Variants in FCN2 observed in about 807,000 individuals in gnomAD.
FCN2 encodes the protein ficolin-2.
A neutral mutation model predicts 32.5 loss-of-function variants in FCN2; 31 were observed. The observed-to-expected ratio is 0.96, with a 90% CI of 0.72 to 1.29. The LOEUF (loss-of-function observed/expected upper bound fraction) is 1.29. FCN2 is among the 50% of genes most tolerant of loss of function. FCN2 has a pLI of 0.00. For missense variants in FCN2, 412 were observed against 406.5 expected (o/e 1.01, Z -0.12); for synonymous variants, 181 against 164.5 (o/e 1.10, Z -0.77).
rs749862910 is a variant in FCN2, at chr9:134,887,223, T to C, written c.750T>C (p.Asn250=). The C allele has an allele frequency of 6.2e-7, 1 of 1,613,856 alleles. No individual in the cohort carries two copies. Among genetic ancestry groups the C allele is most frequent in the Non-Finnish European group, 8.5e-7 (1 of 1,179,696 alleles). The change falls in exon 8 of 8, where the codon AAT becomes AAC. Residue 250 remains asparagine, a synonymous_variant. Coordinates refer to ENST00000291744, the MANE Select transcript of FCN2 (RefSeq NM_004108.3). ...CCTTCTCCACCAAAGACCAGGACAA[T>C]GATCTTAACACCGGAAATTGTGCTG... ...NQSFSTKDQD[N]DLNTGNCAVM...
At chr9:134,879,741 T>A (rs897242566), upstream of FCN2, among the ~76,000 whole-genome samples, 1 of 152,134 alleles carries the variant, frequency 6.6e-6, no homozygotes, top group Admixed American at 6.5e-5. Flanking sequence ...CCGATGGGAT[T>A]TTGTTTCTCG....
At position 134,881,051 on chromosome 9, in the gene FCN2, C is replaced by G; in HGVS notation, c.100+130C>G. The G allele has an allele frequency of 5.6e-6, 4 of 715,220 alleles. No individual in the cohort carries two copies. In the South Asian group the frequency reaches 6.1e-5, roughly 11 times the overall value. 44.3% of individuals were successfully genotyped at this position (715,220 alleles called of 1,614,324 possible). The stretch of plus-strand genomic sequence containing the variant: ...GGAGCATCGTCTAACGAGACAGCAG[C>G]TCTGCATGCCTCATCTTATGTGAAC... On this transcript the variant is annotated intron_variant, in intron 1 of 7. Transcript: ENST00000291744.
chr9:134,887,357 CG>C lies in FCN2; in HGVS notation c.888del (p.Gly298AspfsTer11), dbSNP rs994920438. The C allele has an allele frequency of 1.2e-6, 2 of 1,613,960 alleles. No homozygotes were observed. The highest frequency in any genetic ancestry group is 2.7e-5 in the African/African-American group (2 of 74,896). On this transcript the variant is annotated frameshift_variant, in exon 8 of 8. Transcript: ENST00000291744. LOFTEE classifies it high-confidence loss of function. ...TTTGCAAATGGCATCAACTGGAAGT[CG>C]GGGAAAGGATACAATTATAGCTACA... ...GSFANGINWK[S>X]GKGYNYSYKV...
chr9:134,867,930 C>A, the FCN2 span, among the ~76,000 whole-genome samples: 1 of 152,318 alleles, frequency 6.6e-6, no homozygotes, highest in Non-Finnish European at 1.5e-5. Context: ...CCATAAATTA[C>A]AATAAGAGAT....
upstream of FCN2, among the ~76,000 whole-genome samples, chr9:134,878,264 G>A (rs572395972): frequency 2.6e-5 from 4 of 152,222 alleles, no homozygotes; most frequent in African/African-American, 9.6e-5. Context: ...GGTAGAAAAG[G>A]CCCTAGTTGG....
At chr9:134,865,245 T>A in the FCN2 span, among the ~76,000 whole-genome samples, 11 of 152,328 alleles carry the variant, frequency 7.2e-5, no homozygotes, top group African/African-American at 2.4e-4. Flanking sequence ...CTGGGGGCAC[T>A]CAGGTGATTC....
intron 5 of FCN2, 139 bp from the exon 6 acceptor site, chr9:134,885,629 G>A: frequency 8.1e-7 from 1 of 1,230,804 alleles, no homozygotes; most frequent in South Asian, 1.4e-5. Context: ...GAGTCTGTGA[G>A]GAGAACAGGT....
intron 5 of FCN2, 131 bp from the exon 6 acceptor site, chr9:134,885,637 G>T: frequency 1.6e-6 from 2 of 1,287,166 alleles, no homozygotes; most frequent in Non-Finnish European, 2.2e-6. Flanking sequence ...GAGGAGAACA[G>T]GTGGGCGTGC....
chr9:134,870,322 G>T, the FCN2 span, among the ~76,000 whole-genome samples: 7 of 152,318 alleles, frequency 4.6e-5, no homozygotes, highest in African/African-American at 1.7e-4. The surrounding 1 kb of genome is among the most constrained non-coding windows in gnomAD (Gnocchi z 4.3). Flanking sequence ...TAGTGTGGGT[G>T]CAGAGGTCCG....
chr9:134,884,679 G>A, intron 3 of FCN2, 61 bp from the exon 4 acceptor site: 6 of 1,535,322 alleles, frequency 3.9e-6, no homozygotes, highest in Non-Finnish European at 5.4e-6. Context: ...CGGACCAATG[G>A]GGGCTGAAGG....
At chr9:134,878,853 A>C (rs543971788), upstream of FCN2, among the ~76,000 whole-genome samples, 6 of 152,320 alleles carry the variant, frequency 3.9e-5, no homozygotes, top group South Asian at 1.2e-3. Context: ...CAAAAAAAAA[A>C]GTGTACTTTA....
chr9:134,874,156 T>C, the FCN2 span, among the ~76,000 whole-genome samples: 1 of 152,186 alleles, frequency 6.6e-6, no homozygotes, highest in Non-Finnish European at 1.5e-5. Context: ...CCTCAAGTGA[T>C]TTGCCCAGCT....
chr9:134,882,131 T>A (rs1288555000), intron 1 of FCN2, among the ~76,000 whole-genome samples: 1 of 152,178 alleles, frequency 6.6e-6, no homozygotes, highest in Non-Finnish European at 1.5e-5. Context: ...TAGGATGCTG[T>A]CTTAAATGGT....
the FCN2 span, among the ~76,000 whole-genome samples, chr9:134,865,220 A>G: frequency 2.6e-5 from 4 of 152,266 alleles, no homozygotes; most frequent in East Asian, 3.9e-4. Flanking sequence ...TAGGCTCCAG[A>G]TCTTCCCTGG....
chr9:134,885,738 C>T (rs1029380273), intron 5 of FCN2, 30 bp from the exon 6 acceptor site: 18 of 1,613,766 alleles, frequency 1.1e-5, no homozygotes, highest in South Asian at 2.2e-5. Context: ...GCCTGGCCCC[C>T]CCGGCTCCTG....
the FCN2 span, among the ~76,000 whole-genome samples, chr9:134,866,883 GA>G: frequency 4.3e-5 from 6 of 140,146 alleles, no homozygotes; most frequent in Non-Finnish European, 7.7e-5. Context: ...AAAAACACAT[GA>G]AAAAATGCTC....
chr9:134,883,774 A>G (rs892450496), intron 3 of FCN2, among the ~76,000 whole-genome samples: 34 of 124,396 alleles, frequency 2.7e-4, no homozygotes, highest in African/African-American at 7.3e-4. Context: ...GGAGCTGTCA[A>G]TATGGGGGAG....
At chr9:134,875,432 C>T in the FCN2 span, among the ~76,000 whole-genome samples, 1 of 152,250 alleles carries the variant, frequency 6.6e-6, no homozygotes, top group Non-Finnish European at 1.5e-5. Context: ...CTGGTCCCCA[C>T]CCCCCTTGAG....
upstream of FCN2, among the ~76,000 whole-genome samples, chr9:134,877,594 C>T (rs940501722): frequency 8.5e-5 from 13 of 152,166 alleles, no homozygotes; most frequent in African/African-American, 2.2e-4. Flanking sequence ...GTTTACCTTC[C>T]GGCAACATGA....
Sources: gnomAD v4.1 joint callset for allele counts (sites outside exome capture counted in the v4.1 genomes callset) on GRCh38, gnomAD v4.1.1 for gene constraint, Gnocchi (gnomAD v3.1) non-coding constraint, MANE v1.5 for transcripts, NCBI Gene and HGNC (gene_info 2026-07-23, HGNC 2026-07-21) for gene names.